Variants in PTPRD observed in about 807,000 individuals in gnomAD.
PTPRD encodes receptor-type tyrosine-protein phosphatase delta.
PTPRD carries 34 observed loss-of-function variants against 214.5 expected under a neutral mutation model. That is an observed-to-expected ratio of 0.16 (90% confidence interval 0.12 to 0.21). The LOEUF (loss-of-function observed/expected upper bound fraction) is 0.21, where lower values mean the gene tolerates loss of function less well. Ranked by LOEUF, PTPRD falls within the 10% of genes least tolerant of loss-of-function variation. The pLI is 1.00. For missense variants in PTPRD, 2,545 were observed against 2,398.7 expected, an observed-to-expected ratio of 1.06 and a Z score of -1.27; for synonymous variants, 1,128 against 845.7, an observed-to-expected ratio of 1.33 and a Z score of -5.79.
At chr9:9,477,510 G>C (rs375227364) in intron 8 of PTPRD, among the ~76,000 whole-genome samples, 1 of 152,138 alleles carries the variant, frequency 6.6e-6, no homozygotes, top group Non-Finnish European at 1.5e-5. Context: ...TTAAAGTTCT[G>C]ATTATTCATT....
chr9:9,525,731 A>G (rs1048766415), intron 8 of PTPRD, among the ~76,000 whole-genome samples: 4 of 152,122 alleles, frequency 2.6e-5, no homozygotes, highest in African/African-American at 9.7e-5. Flanking sequence ...ATATCTAGAA[A>G]TATGTATAAA....
At chr9:8,361,836 A>G (rs1241108226) in intron 39 of PTPRD, among the ~76,000 whole-genome samples, 3 of 152,222 alleles carry the variant, frequency 2.0e-5, no homozygotes, top group African/African-American at 7.2e-5. Flanking sequence ...TTCCCGCTTA[A>G]GGTAAAGCAC....
chr9:9,716,262 A>C (rs887624563), intron 7 of PTPRD, among the ~76,000 whole-genome samples: 1 of 151,990 alleles, frequency 6.6e-6, no homozygotes, highest in Non-Finnish European at 1.5e-5. Flanking sequence ...ATTGTTGGAC[A>C]TTTGGGTTGG....
chr9:8,527,030 T>C (rs962335764), intron 16 of PTPRD, among the ~76,000 whole-genome samples: 19 of 151,938 alleles, frequency 1.3e-4, no homozygotes, highest in Non-Finnish European at 2.2e-4. Flanking sequence ...TAAGTATATA[T>C]ATAGATATGC....
At chr9:9,919,055 G>A (rs1036836706) in intron 5 of PTPRD, among the ~76,000 whole-genome samples, 75 of 152,030 alleles carry the variant, frequency 4.9e-4, no homozygotes, top group African/African-American at 1.7e-3. Context: ...CCTTTTATTT[G>A]CTAATGTTAA....
chr9:8,559,637 C>G (rs1186006483), intron 14 of PTPRD, among the ~76,000 whole-genome samples: 2 of 152,194 alleles, frequency 1.3e-5, no homozygotes, highest in Admixed American at 6.5e-5. Flanking sequence ...ACCATGCTGG[C>G]AACAGTCCCA....
At chr9:8,369,307 G>A (rs182405695) in intron 39 of PTPRD, among the ~76,000 whole-genome samples, 108 of 152,082 alleles carry the variant, frequency 7.1e-4, no homozygotes, top group African/African-American at 2.6e-3. Context: ...CTTTGAAAAG[G>A]CCATTTTCAT....
rs569591658 is a variant in PTPRD at position 8,983,522 on chromosome 9, C to T, written c.-104+35175G>A. Among the ~76,000 whole-genome samples, 7 of 151,830 alleles carry T rather than the reference C, an allele frequency of 4.6e-5. No individual in the cohort carries two copies. In the South Asian group the frequency reaches 1.2e-3, roughly 27 times the overall value. ...TTATACATTTTCTTCCCCCTCCCCC[C>T]GCTTTTGTTTTGGAGAAAAAGTCTC... On this transcript the variant is annotated intron_variant, in intron 11 of 45. Transcript: ENST00000381196.
chr9:8,725,418 T>C (rs1341865273), intron 12 of PTPRD, among the ~76,000 whole-genome samples: 2 of 152,168 alleles, frequency 1.3e-5, no homozygotes, highest in Non-Finnish European at 2.9e-5. Flanking sequence ...CCAATAAACA[T>C]TTATTAATGG....
At chr9:9,113,935 A>G (rs1368733626) in intron 10 of PTPRD, among the ~76,000 whole-genome samples, 2 of 152,188 alleles carry the variant, frequency 1.3e-5, no homozygotes, top group African/African-American at 4.8e-5. Flanking sequence ...TATTTGGAGC[A>G]AAAGAGTATG....
At chr9:9,043,216 T>C (rs1181356021) in intron 10 of PTPRD, among the ~76,000 whole-genome samples, 1 of 152,180 alleles carries the variant, frequency 6.6e-6, no homozygotes, top group African/African-American at 2.4e-5. Context: ...TCATTCTGTG[T>C]TGTTGGAAAA....
intron 7 of PTPRD, among the ~76,000 whole-genome samples, chr9:9,580,077 T>C (rs1248768538): frequency 6.6e-6 from 1 of 152,196 alleles, no homozygotes; most frequent in Non-Finnish European, 1.5e-5. Context: ...TGTGTGTGTA[T>C]GTCTGCGTGT....
At chr9:9,652,996 T>A (rs934206881) in intron 7 of PTPRD, among the ~76,000 whole-genome samples, 66 of 152,122 alleles carry the variant, frequency 4.3e-4, no homozygotes, top group African/African-American at 1.5e-3. Context: ...TGGGAAATGT[T>A]CAATATGGAC....
intron 9 of PTPRD, among the ~76,000 whole-genome samples, chr9:9,345,459 T>C (rs545732114): frequency 8.5e-5 from 13 of 152,204 alleles, no homozygotes; most frequent in Non-Finnish European, 1.6e-4. Flanking sequence ...GAATGGACCC[T>C]GGGCTATGAT....
At chr9:9,764,987 T>A (rs1247102603) in intron 6 of PTPRD, among the ~76,000 whole-genome samples, 1 of 152,166 alleles carries the variant, frequency 6.6e-6, no homozygotes, top group Non-Finnish European at 1.5e-5. Context: ...TTGTGCTATG[T>A]TTGATTAAGT....
At chr9:8,975,787 C>G (rs781321156) in intron 11 of PTPRD, among the ~76,000 whole-genome samples, 1 of 149,312 alleles carries the variant, frequency 6.7e-6, no homozygotes, top group East Asian at 2.0e-4. Context: ...ATTGAGAAAC[C>G]ATATATATAT....
chr9:10,168,428 G>A (rs2099173318), intron 3 of PTPRD, among the ~76,000 whole-genome samples: 2 of 152,124 alleles, frequency 1.3e-5, no homozygotes, highest in Admixed American at 6.5e-5. Flanking sequence ...TGTTTTCACA[G>A]CTGCTGTTTG....
chr9:10,059,063 A>G (rs1244917144), intron 3 of PTPRD, among the ~76,000 whole-genome samples: 2 of 152,148 alleles, frequency 1.3e-5, no homozygotes, highest in South Asian at 2.1e-4. Flanking sequence ...ACAAAATTCC[A>G]TGAAAGTGGA....
At chr9:9,133,022 G>C (rs2099845202) in intron 10 of PTPRD, among the ~76,000 whole-genome samples, 1 of 152,140 alleles carries the variant, frequency 6.6e-6, no homozygotes, top group African/African-American at 2.4e-5. Context: ...TCTAAGGGTA[G>C]TGATTTCAAT....
Sources: gnomAD v4.1 joint callset for allele counts (sites outside exome capture counted in the v4.1 genomes callset) on GRCh38, gnomAD v4.1.1 for gene constraint, MANE v1.5 for transcripts, NCBI Gene and HGNC (gene_info 2026-07-23, HGNC 2026-07-21) for gene names.